ARIH1: variants seen among roughly 807,000 people sequenced by gnomAD.
The protein encoded by ARIH1 is E3 ubiquitin-protein ligase ARIH1.
A neutral mutation model predicts 85.0 loss-of-function variants in ARIH1; 8 were observed. That is an observed-to-expected ratio of 0.09 (90% CI 0.06 to 0.17). The LOEUF (loss-of-function observed/expected upper bound fraction) is 0.17. ARIH1 is among the 10% of genes least tolerant of loss of function. The pLI is 1.00. For missense variants in ARIH1, 311 were observed against 718.1 expected (o/e 0.43, Z 6.48); for synonymous variants, 238 against 253.6 (o/e 0.94, Z 0.59).
intron 3 of ARIH1, among the ~76,000 whole-genome samples, chr15:72,552,351 G>T (rs556589400): frequency 1.3e-5 from 2 of 152,122 alleles, no homozygotes; most frequent in Non-Finnish European, 2.9e-5. Flanking sequence ...GCAAAGGTGC[G>T]ATCTTGGCTC....
Position 72,582,584 on chromosome 15 carries a change from CAT to C in ARIH1, c.1589+412_1589+413del, listed in dbSNP as rs201052945. Among the ~76,000 whole-genome samples the C allele has an allele frequency of 9.4e-4, 140 of 149,172 alleles. No homozygotes were observed. The highest frequency in any genetic ancestry group is 3.0e-3 in the African/African-American group (121 of 40,066). The stretch of plus-strand genomic sequence containing the variant: ...AACTTACTTTTTAGAGTTTTTATTA[CAT>C]ATATATATATATATTTTTTTAATCT... On this transcript the variant is annotated intron_variant, in intron 13 of 13. Coordinates refer to ENST00000379887, the MANE Select transcript of ARIH1 (RefSeq NM_005744.5). This position sits in a 1 kb window ranked among gnomAD's most constrained non-coding sequence, Gnocchi z 4.6.
Position 72,582,252 on chromosome 15 carries a change from A to G in ARIH1, c.1589+65A>G. 8.9e-7 allele frequency: 1 copy of G among 1,118,958 alleles called. No homozygotes were observed. The highest frequency in any genetic ancestry group is 1.3e-6 in the Non-Finnish European group (1 of 757,370). 69.3% of individuals were successfully genotyped at this position (1,118,958 alleles called of 1,614,324 possible). A position where few individuals can be genotyped will look rare whatever the true frequency, so the allele number is the denominator to read the frequency against. Reference sequence around the variant, plus strand: ...GTGATGATCCTTACTGGTAAAGTTCAGTGATAGTGAAACTGGGTTTAGCAT... The same window carrying G: ...GTGATGATCCTTACTGGTAAAGTTCGGTGATAGTGAAACTGGGTTTAGCAT... On this transcript the variant is annotated intron_variant, in intron 13 of 13. Transcript: ENST00000379887. This position sits in a 1 kb window ranked among gnomAD's most constrained non-coding sequence, Gnocchi z 4.6.
intron 1 of ARIH1, among the ~76,000 whole-genome samples, chr15:72,477,306 T>G (rs1194657119): frequency 6.6e-6 from 1 of 152,220 alleles, no homozygotes; most frequent in African/African-American, 2.4e-5. Flanking sequence ...GTAAGACTTC[T>G]TTCTATTAAT....
At chr15:72,513,879 C>T (rs895806198) in intron 1 of ARIH1, among the ~76,000 whole-genome samples, 27 of 137,586 alleles carry the variant, frequency 2.0e-4, no homozygotes, top group African/African-American at 7.2e-4. Context: ...CTACCCCCCG[C>T]CCCGCCTCCG....
At chr15:72,494,494 T>C (rs2063871922) in intron 1 of ARIH1, among the ~76,000 whole-genome samples, 1 of 152,122 alleles carries the variant, frequency 6.6e-6, no homozygotes, top group Non-Finnish European at 1.5e-5. Context: ...GAATTGAATA[T>C]TGCTGAAATT....
chr15:72,504,658 C>G (rs1297923592), intron 1 of ARIH1, among the ~76,000 whole-genome samples: 1 of 152,104 alleles, frequency 6.6e-6, no homozygotes, highest in Non-Finnish European at 1.5e-5. Flanking sequence ...GAAAAAGCAA[C>G]ATTCGATTGG....
intron 2 of ARIH1, among the ~76,000 whole-genome samples, chr15:72,538,009 G>T (rs2064090390): frequency 6.6e-6 from 1 of 152,120 alleles, no homozygotes; most frequent in Admixed American, 6.5e-5. Context: ...TAGTTGACTT[G>T]CAAATGTATA....
At chr15:72,525,244 A>G (rs555733739) in intron 2 of ARIH1, among the ~76,000 whole-genome samples, 1 of 152,198 alleles carries the variant, frequency 6.6e-6, no homozygotes, top group South Asian at 2.1e-4. Context: ...TCGGGGGAAA[A>G]TTTTTTCGTT....
At chr15:72,580,500 C>A (rs1392634659) in intron 11 of ARIH1, 5 of 477,698 alleles carry the variant, frequency 1.0e-5, no homozygotes, top group Non-Finnish European at 1.5e-5. Flanking sequence ...TTTTAAGGAA[C>A]CTCCCCATAC....
intron 1 of ARIH1, among the ~76,000 whole-genome samples, chr15:72,492,930 T>C (rs2063865297): frequency 6.6e-6 from 1 of 152,194 alleles, no homozygotes; most frequent in Non-Finnish European, 1.5e-5. Flanking sequence ...CTTTGATTCA[T>C]ACCACTGTCA....
chr15:72,568,156 C>A (rs1460889269), intron 9 of ARIH1, among the ~76,000 whole-genome samples: 1 of 152,004 alleles, frequency 6.6e-6, no homozygotes, highest in East Asian at 1.9e-4. Context: ...ATTTTTTGTT[C>A]CCTCCAAAAC....
At position 72,593,423 on chromosome 15, in the gene ARIH1, CAAAG is replaced by C. The variant is rs1159890545; in HGVS notation, c.*10134_*10137del. On this transcript the variant is annotated 3_prime_UTR_variant, in exon 14 of 14. Coordinates refer to ENST00000379887, the MANE Select transcript of ARIH1 (RefSeq NM_005744.5). ...TTATGGTTTTATGACCTCAAAGTCA[CAAAG>C]AATATATTTTCTTCTAGAAGTTTTA... 1 of 152,100 alleles carries C rather than the reference CAAAG, an allele frequency of 6.6e-6. No homozygotes were observed. Among genetic ancestry groups the C allele is most frequent in the Non-Finnish European group, 1.5e-5 (1 of 68,010 alleles). The allele number at this position is 152,100 out of a possible 1,614,324, so 9.4% of individuals were successfully genotyped here.
rs550311927 is a variant in ARIH1 at position 72,532,287 on chromosome 15, A to T, written c.444-12533A>T. On this transcript the variant is annotated intron_variant, in intron 2 of 13. Transcript: ENST00000379887. ...ATCACTAGGATCTTGTGGATGGTTT[A>T]AAAAAAAACTCTTAAAATTATGGAC... Among the ~76,000 whole-genome samples the T allele has an allele frequency of 2.6e-5, 4 of 151,378 alleles. No homozygotes were observed. The East Asian group carries it at 5.8e-4, about 22-fold the overall frequency.
chr15:72,496,751 G>A, intron 1 of ARIH1: 1 of 960,216 alleles, frequency 1.0e-6, no homozygotes, highest in East Asian at 1.2e-4. Context: ...TTTGGCCTTT[G>A]CCGCTGTGGC....
rs1396576205 is a variant in ARIH1, at chr15:72,500,583, TC to T, written c.376-17482del. On this transcript the variant is annotated intron_variant, in intron 1 of 13. Transcript: ENST00000379887. ...ATTCCCTCTCTTCTTCTTTTGGAAT[TC>T]CTATCAGTTGAATGTGAAAAACAAT... Among the ~76,000 whole-genome samples the T allele has an allele frequency of 3.9e-5, 6 of 152,180 alleles. No homozygotes were observed. The East Asian group carries it at 1.2e-3, about 29-fold the overall frequency.
At chr15:72,556,748 A>G (rs2064176414) in intron 5 of ARIH1, among the ~76,000 whole-genome samples, 1 of 152,156 alleles carries the variant, frequency 6.6e-6, no homozygotes, top group Non-Finnish European at 1.5e-5. Context: ...CCCAGTCTAA[A>G]TAGTCTTTTA....
intron 1 of ARIH1, among the ~76,000 whole-genome samples, chr15:72,495,350 G>GT (rs1264801247): frequency 4.6e-5 from 7 of 152,122 alleles, no homozygotes; most frequent in African/African-American, 1.7e-4. Flanking sequence ...ACTTTTGAGA[G>GT]TTAATTTCAT....
Position 72,589,794 on chromosome 15 carries a change from A to AC in ARIH1, c.*6504dup, listed in dbSNP as rs1174783158. On this transcript the variant is annotated 3_prime_UTR_variant, in exon 14 of 14. Coordinates refer to ENST00000379887, the MANE Select transcript of ARIH1 (RefSeq NM_005744.5). ...AGATACTCGTGGCTACTTAGTATTT[A>AC]CCAAATGCTTTGTTTCCATCTCGTT... 1 of 152,172 alleles carries AC rather than the reference A, an allele frequency of 6.6e-6. No individual in the cohort carries two copies. The highest frequency in any genetic ancestry group is 6.5e-5 in the Admixed American group (1 of 15,268). The allele number at this position is 152,172 out of a possible 1,614,324, so 9.4% of individuals were successfully genotyped here. A position where few individuals can be genotyped will look rare whatever the true frequency, so the allele number is the denominator to read the frequency against.
intron 9 of ARIH1, among the ~76,000 whole-genome samples, chr15:72,569,042 C>T (rs1278349988): frequency 1.3e-5 from 2 of 152,164 alleles, no homozygotes; most frequent in African/African-American, 2.4e-5. Flanking sequence ...GGTGCAGTGG[C>T]TCACACCTGT....
Sources: allele counts gnomAD v4.1 joint callset (sites outside exome capture counted in the v4.1 genomes callset), GRCh38; gene constraint gnomAD v4.1.1; non-coding constraint Gnocchi (gnomAD v3.1); transcripts MANE v1.5; gene names NCBI Gene and HGNC (gene_info 2026-07-23, HGNC 2026-07-21).